IQSEC1: variants seen among roughly 807,000 people sequenced by gnomAD.
The protein encoded by IQSEC1 is IQ motif and Sec7 domain ArfGEF 1.
A neutral mutation model predicts 91.0 loss-of-function variants in IQSEC1; 31 were observed. The ratio of observed to expected loss-of-function variants is 0.34; its 90% CI spans 0.26 to 0.46. The LOEUF is 0.46. Among genes scored for constraint, IQSEC1 ranks in the 20% least tolerant of loss-of-function variants. The probability of loss-of-function intolerance (pLI) is 1.00; values close to 1 mark genes in which losing one functional copy is unlikely to be tolerated. For missense variants in IQSEC1, 1,388 were observed against 1,575.6 expected, an observed-to-expected ratio of 0.88 and a Z score of 2.02; for synonymous variants, 699 against 662.6, an observed-to-expected ratio of 1.05 and a Z score of -0.84.
intron 1 of IQSEC1, among the ~76,000 whole-genome samples, chr3:13,019,349 C>T (rs927020781): frequency 3.3e-5 from 5 of 152,246 alleles, no homozygotes; most frequent in African/African-American, 4.8e-5. Flanking sequence ...ACACACCTCT[C>T]GCTTTTCCAG....
chr3:12,922,264 C>CT lies in IQSEC1; in HGVS notation c.1731-23_1731-22insA. ...GCAGCTGGAATAGAGACAGACAGCC[C>CT]CGCATAAGCACCCCTTGCAGGTGCG... On this transcript the variant is annotated intron_variant, in intron 4 of 13. Coordinates refer to ENST00000613206, the MANE Select transcript of IQSEC1 (RefSeq NM_001134382.3). This position sits in a 1 kb window ranked among gnomAD's most constrained non-coding sequence, Gnocchi z 5.1. The CT allele has an allele frequency of 6.4e-7, 1 of 1,556,770 alleles. No homozygotes were observed. Among genetic ancestry groups the CT allele is most frequent in the Non-Finnish European group, 8.8e-7 (1 of 1,141,660 alleles).
chr3:12,952,988 G>A (rs956308455), intron 1 of IQSEC1, among the ~76,000 whole-genome samples: 7 of 152,218 alleles, frequency 4.6e-5, no homozygotes, highest in South Asian at 4.1e-4. Flanking sequence ...GCACACCACC[G>A]GAGGCAGAAA....
At chr3:13,072,293 C>T (rs1196293988) in intron 1 of IQSEC1, among the ~76,000 whole-genome samples, 1 of 152,266 alleles carries the variant, frequency 6.6e-6, no homozygotes, top group Non-Finnish European at 1.5e-5. Flanking sequence ...CAGTGCAGCG[C>T]CCAGAGAGCT....
chr3:12,946,134 T>C (rs1045690701), intron 1 of IQSEC1, among the ~76,000 whole-genome samples: 2 of 152,204 alleles, frequency 1.3e-5, no homozygotes, highest in African/African-American at 4.8e-5. Context: ...TTTACCAGCA[T>C]ACATGAGTCT....
chr3:13,053,036 CA>C (rs1704746144), intron 1 of IQSEC1: 1 of 1,132,598 alleles, frequency 8.8e-7, no homozygotes, highest in Non-Finnish European at 1.3e-6. Context: ...TACCAGTTTT[CA>C]TCCGAATCCA....
intron 1 of IQSEC1, among the ~76,000 whole-genome samples, chr3:12,980,820 G>A (rs1701414003): frequency 6.6e-6 from 1 of 152,174 alleles, no homozygotes; most frequent in Non-Finnish European, 1.5e-5. Flanking sequence ...AGCCCTGCCT[G>A]CAGGGACCCA....
intron 1 of IQSEC1, among the ~76,000 whole-genome samples, chr3:12,948,463 G>A (rs1026392654): frequency 2.6e-5 from 4 of 152,218 alleles, no homozygotes; most frequent in African/African-American, 9.6e-5. Flanking sequence ...AGCTCATGGG[G>A]ATGGGTGAGA....
At chr3:12,982,700 T>C (rs1701526639) in intron 1 of IQSEC1, among the ~76,000 whole-genome samples, 1 of 152,210 alleles carries the variant, frequency 6.6e-6, no homozygotes, top group Admixed American at 6.5e-5. Context: ...CCCTTTCTAG[T>C]CCTGGTGGCT....
rs1694027787 is a variant in IQSEC1, at chr3:12,899,679, AC to A, written c.*1303del. ...TGCTAGCACATGGCTACATGGAATTACGGTGATCACTGCTACCACTCAGAAA... is the reference window on the plus strand; with the variant it reads ...TGCTAGCACATGGCTACATGGAATTAGGTGATCACTGCTACCACTCAGAAA... On this transcript the variant is annotated 3_prime_UTR_variant, in exon 14 of 14. Transcript: ENST00000613206. 1 of 985,304 alleles carries A rather than the reference AC, an allele frequency of 1.0e-6. No homozygotes were observed. The highest frequency in any genetic ancestry group is 1.7e-5 in the African/African-American group (1 of 57,236). The allele number at this position is 985,304 out of a possible 1,614,324, so 61.0% of individuals were successfully genotyped here.
At chr3:13,186,014 A>G (rs763954967) in intron 1 of IQSEC1, among the ~76,000 whole-genome samples, 9 of 152,210 alleles carry the variant, frequency 5.9e-5, no homozygotes, top group Non-Finnish European at 1.0e-4. Context: ...GCTTGTAACC[A>G]TCCTTAGCTG....
chr3:13,244,062 T>C (rs1413811488), intron 1 of IQSEC1, among the ~76,000 whole-genome samples: 1 of 152,226 alleles, frequency 6.6e-6, no homozygotes, highest in Non-Finnish European at 1.5e-5. Flanking sequence ...GGCAGAGGGG[T>C]GGCCTCACTT....
At chr3:13,181,269 TCAAACAAACAAA>T (rs139859471) in intron 1 of IQSEC1, among the ~76,000 whole-genome samples, 13 of 18,466 alleles carry the variant, frequency 7.0e-4, no homozygotes, top group East Asian at 1.7e-3. Flanking sequence ...AGACTCCGTC[TCAAACAAACAAA>T]CAAACAAACA....
intron 2 of IQSEC1, among the ~76,000 whole-genome samples, chr3:13,128,523 T>C (rs1444261956): frequency 6.6e-6 from 1 of 152,240 alleles, no homozygotes; most frequent in Non-Finnish European, 1.5e-5. Context: ...AGTTGCAGTG[T>C]AATTTTTTTA....
At chr3:13,015,113 A>G (rs1703058813) in intron 1 of IQSEC1, among the ~76,000 whole-genome samples, 1 of 152,192 alleles carries the variant, frequency 6.6e-6, no homozygotes, top group African/African-American at 2.4e-5. Flanking sequence ...GCCCTGGGCC[A>G]CTGTGTGACT....
rs796955547 is a variant in IQSEC1, at chr3:13,158,850, C to A, written c.302+5254G>T. Among the ~76,000 whole-genome samples, 42 of 152,136 alleles carry A rather than the reference C, an allele frequency of 2.8e-4. 1 individual carries two copies. The highest frequency in any genetic ancestry group is 9.4e-4 in the African/African-American group (39 of 41,496). ...GGTGGTGTGCGCCTGTAGTCCCAGCCACTCAGGAGGCTGAGGCACGAGAAT... is the reference window on the plus strand; with the variant it reads ...GGTGGTGTGCGCCTGTAGTCCCAGCAACTCAGGAGGCTGAGGCACGAGAAT... On this transcript the variant is annotated intron_variant, in intron 2 of 15. Transcript: ENST00000648114.
Position 13,080,875 on chromosome 3 carries a change from T to C in IQSEC1, c.303-33353A>G, listed in dbSNP as rs762905045. ...CTGAGCTAATACAAGAACAACATTCTTAGTAAAAAAGAATCCAAAATAAGG... is the reference window on the plus strand; with the variant it reads ...CTGAGCTAATACAAGAACAACATTCCTAGTAAAAAAGAATCCAAAATAAGG... On this transcript the variant is annotated intron_variant, in intron 2 of 15. Coordinates refer to the IQSEC1 transcript ENST00000648114. Among the ~76,000 whole-genome samples the C allele has an allele frequency of 3.3e-4, 51 of 152,260 alleles. No individual in the cohort carries two copies. The Middle Eastern group carries it at 0.01, about 30-fold the overall frequency.
At chr3:13,064,216 C>T (rs1447251379) in intron 1 of IQSEC1, among the ~76,000 whole-genome samples, 1 of 152,124 alleles carries the variant, frequency 6.6e-6, no homozygotes, top group Non-Finnish European at 1.5e-5. Flanking sequence ...CACACACATA[C>T]AGGCACATAC....
chr3:13,229,346 T>A (rs1216681686), intron 1 of IQSEC1, among the ~76,000 whole-genome samples: 1 of 152,246 alleles, frequency 6.6e-6, no homozygotes, highest in Non-Finnish European at 1.5e-5. Flanking sequence ...ATAAATGTAC[T>A]CAGCCTTCAA....
chr3:13,244,371 C>T (rs1040757890), intron 1 of IQSEC1, among the ~76,000 whole-genome samples: 1 of 152,134 alleles, frequency 6.6e-6, no homozygotes, highest in African/African-American at 2.4e-5. Context: ...TTAGAAATCG[C>T]TCCTCTACAA....
Sources: allele counts gnomAD v4.1 joint callset (sites outside exome capture counted in the v4.1 genomes callset), GRCh38; gene constraint gnomAD v4.1.1; non-coding constraint Gnocchi (gnomAD v3.1); transcripts MANE v1.5; gene names NCBI Gene and HGNC (gene_info 2026-07-23, HGNC 2026-07-21).